The following TAC4 variants were observed in gnomAD, a reference collection of about 807,000 sequenced individuals.
TAC4 encodes the protein tachykinin precursor 4, also known as tachykinin-4.
Under a neutral mutation model 17.7 loss-of-function variants are expected in TAC4, and 17 were observed. The observed-to-expected ratio is 0.96, with a 90% CI of 0.66 to 1.44. The LOEUF is 1.44. Ranked by LOEUF, TAC4 falls within the 40% of genes most tolerant of loss-of-function variation. The pLI, the probability that TAC4 is intolerant of heterozygous loss-of-function variation, is 0.00. For synonymous variants in TAC4, 62 were observed against 52.4 expected (o/e 1.18, Z -0.79); for missense variants, 118 against 125.6 (o/e 0.94, Z 0.29).
At chr17:49,838,932 G>A (rs1463204366) in intron 4 of TAC4, among the ~76,000 whole-genome samples, 1 of 152,096 alleles carries the variant, frequency 6.6e-6, no homozygotes, top group East Asian at 1.9e-4. Context: ...CAAGAGTCCT[G>A]GGAACATGGC....
Position 49,841,577 on chromosome 17 carries a change from A to G in TAC4, c.207T>C (p.Pro69=). ...GLMGKRVGGR[P]LIQPRRKKAY... ...CTTTTTTTCTCCTTGGCTGGATCAG[A>G]GGTCTTCCTGGGGGAAGGAGAAGGA... Residue 69 remains proline, a synonymous_variant, in exon 3 of 5, where the codon CCT becomes CCC. Transcript: ENST00000436235. 1 of 1,575,686 alleles carries G rather than the reference A, an allele frequency of 6.3e-7. No individual in the cohort carries two copies. Among genetic ancestry groups the G allele is most frequent in the Non-Finnish European group, 8.6e-7 (1 of 1,162,192 alleles).
intron 1 of TAC4, among the ~76,000 whole-genome samples, chr17:49,845,158 T>G: frequency 6.6e-6 from 1 of 152,230 alleles, no homozygotes; most frequent in East Asian, 1.9e-4. Flanking sequence ...CCCCAGGCAC[T>G]TCCCCCATTG....
chr17:49,839,062 T>G (rs944403415), intron 4 of TAC4, among the ~76,000 whole-genome samples: 6 of 152,196 alleles, frequency 3.9e-5, no homozygotes, highest in African/African-American at 1.4e-4. Flanking sequence ...CTCCTAGTAT[T>G]CCTGCCCACA....
chr17:49,838,725 T>C, intron 4 of TAC4, 52 bp from the exon 5 acceptor site: 1 of 1,592,688 alleles, frequency 6.3e-7, no homozygotes, highest in Non-Finnish European at 8.6e-7. Flanking sequence ...CTTGTCTGGC[T>C]CCTCCACCCT....
At chr17:49,840,344 GTC>G (rs1555608039) in intron 3 of TAC4, among the ~76,000 whole-genome samples, 9 of 152,158 alleles carry the variant, frequency 5.9e-5, no homozygotes, top group Non-Finnish European at 1.0e-4. Flanking sequence ...GACAAGCTCT[GTC>G]TGTGTACGGC....
intron 1 of TAC4, among the ~76,000 whole-genome samples, chr17:49,846,428 C>T (rs1162701770): frequency 6.6e-6 from 1 of 152,116 alleles, no homozygotes; most frequent in Non-Finnish European, 1.5e-5. Flanking sequence ...AGATGTGCAT[C>T]ATCATGCCTG....
chr17:49,847,994 A>C lies in TAC4; in HGVS notation c.24T>G (p.Leu8=). ...TGCACACGGACAGCTCCATCAGGAG[A>C]AGCAGGGCGAGGCAAGGCAGCATGG... MLPCLAL[L]LLMELSVCTV... The change falls in exon 1 of 5, where the codon CTT becomes CTG. Residue 8 remains leucine (L), a synonymous_variant. Transcript: ENST00000436235. 1 of 1,614,080 alleles carries C rather than the reference A, an allele frequency of 6.2e-7. No homozygotes were observed. Among genetic ancestry groups the C allele is most frequent in the Non-Finnish European group, 8.5e-7 (1 of 1,180,004 alleles).
chr17:49,846,959 C>G (rs1410094854), intron 1 of TAC4: 2 of 1,288,146 alleles, frequency 1.6e-6, no homozygotes, highest in Admixed American at 4.6e-5. Context: ...CAGAAAGAAG[C>G]AGGCATCAGT....
At chr17:49,840,055 C>T (rs1318417428) in intron 3 of TAC4, 146 bp from the exon 4 acceptor site, 14 of 657,894 alleles carry the variant, frequency 2.1e-5, no homozygotes, top group Non-Finnish European at 3.4e-5. Flanking sequence ...TCTGTCATCC[C>T]GAGAGGCGAG....
intron 2 of TAC4, among the ~76,000 whole-genome samples, chr17:49,841,972 C>T (rs1374612187): frequency 2.2e-4 from 31 of 138,864 alleles, no homozygotes; most frequent in Non-Finnish European, 3.9e-4. Flanking sequence ...GGTGCGATCT[C>T]GGCTCACTGC....
intron 1 of TAC4, 130 bp downstream of exon 1, chr17:49,847,783 C>G: frequency 6.6e-7 from 1 of 1,526,276 alleles, no homozygotes; most frequent in South Asian, 1.2e-5. Context: ...GGTAGAGAGT[C>G]AGACAACTTG....
intron 2 of TAC4, among the ~76,000 whole-genome samples, chr17:49,842,709 A>ATTT (rs1386633159): frequency 1.3e-5 from 2 of 152,082 alleles, no homozygotes; most frequent in Non-Finnish European, 2.9e-5. Context: ...TACAAGTAAA[A>ATTT]TTTAAAGTCT....
rs575544185 is a variant in TAC4, at chr17:49,847,958, A to G, written c.60T>C (p.Gly20=). The change falls in exon 1 of 5, where the codon GGT becomes GGC. Residue 20 remains glycine (G), a synonymous_variant. Coordinates refer to ENST00000436235, the MANE Select transcript of TAC4 (RefSeq NM_001077506.2). ...LMELSVCTVA[G]DGGEEQTLST... is the part of the protein sequence containing the mutation. ...TGAGTGTCTGTTCCTCTCCACCATC[A>G]CCTGCCACAGTGCACACGGACAGCT... 72 of 1,613,434 alleles carry G rather than the reference A, an allele frequency of 4.5e-5. 2 individuals are homozygous for G. The South Asian group carries it at 7.8e-4, about 17-fold the overall frequency.
At chr17:49,843,912 G>T in intron 2 of TAC4, 152 bp downstream of exon 2, 1 of 689,294 alleles carries the variant, frequency 1.5e-6, no homozygotes, top group East Asian at 2.6e-5. Context: ...TAATTCCTAT[G>T]GACAGTCTGT....
At chr17:49,846,876 G>A (rs1415798880) in intron 1 of TAC4, 3 of 1,089,038 alleles carry the variant, frequency 2.8e-6, no homozygotes, top group African/African-American at 3.3e-5. Flanking sequence ...GACTATAAAA[G>A]CATATCAAAG....
intron 2 of TAC4, among the ~76,000 whole-genome samples, chr17:49,842,868 A>G (rs765858140): frequency 1.3e-5 from 2 of 152,216 alleles, no homozygotes; most frequent in African/African-American, 2.4e-5. Flanking sequence ...CCTCTTGAAT[A>G]TTGATCTGTA....
chr17:49,839,746 G>T, intron 4 of TAC4, 104 bp downstream of exon 4: 1 of 1,086,278 alleles, frequency 9.2e-7, no homozygotes, highest in Non-Finnish European at 1.3e-6. Context: ...GGCTTGTGGG[G>T]AGCCTGTCTG....
rs190917059 is a variant in TAC4 at position 49,839,826 on chromosome 17, C to G, written c.292+24G>C. On this transcript the variant is annotated intron_variant, in intron 4 of 4. Coordinates refer to ENST00000436235, the MANE Select transcript of TAC4 (RefSeq NM_001077506.2). ...TGGCCATTTTCCCATGATGCCCTTG[C>G]AACCACCAGCGGCTCTTGCCTACCT... The G allele has an allele frequency of 4.7e-4, 759 of 1,603,526 alleles. 5 individuals carry two copies. The African/African-American group carries it at 9.2e-3, about 19-fold the overall frequency.
Position 49,842,028 on chromosome 17 carries a change from C to T in TAC4, c.200-444G>A, listed in dbSNP as rs1318012733. Among the ~76,000 whole-genome samples, 5 of 150,902 alleles carry T rather than the reference C, an allele frequency of 3.3e-5. No homozygotes were observed. The East Asian group carries it at 8.0e-4, about 24-fold the overall frequency. On this transcript the variant is annotated intron_variant, in intron 2 of 4. Transcript: ENST00000436235. Reference sequence around the variant, plus strand: ...ACGCCATTCTCCTGCCTCAGCCTCCCGAGTAGCCAGGACTACAGGCGCCCG... The same window carrying T: ...ACGCCATTCTCCTGCCTCAGCCTCCTGAGTAGCCAGGACTACAGGCGCCCG...
Sources: allele counts gnomAD v4.1 joint callset (sites outside exome capture counted in the v4.1 genomes callset), GRCh38; gene constraint gnomAD v4.1.1; transcripts MANE v1.5; gene names NCBI Gene and HGNC (gene_info 2026-07-23, HGNC 2026-07-21).